PLEC: variants seen among roughly 807,000 people sequenced by gnomAD.
PLEC encodes hemidesmosomal protein 1.
In PLEC, 216 loss-of-function variants were observed where a neutral mutation model predicts 392.8. The observed-to-expected ratio is 0.55, with a 90% CI of 0.49 to 0.62. The LOEUF is 0.62. PLEC is among the 20% of genes least tolerant of loss of function. The pLI is 0.00. For synonymous variants in PLEC, 3,621 were observed against 2,980.6 expected, an observed-to-expected ratio of 1.21 and a Z score of -7.00; for missense variants, 6,863 against 6,563.4, an observed-to-expected ratio of 1.05 and a Z score of -1.58.
chr8:143,930,167 C>T lies in PLEC; in HGVS notation c.2589G>A (p.Gln863=), dbSNP rs781863862. 6.3e-7 allele frequency: 1 copy of T among 1,582,178 alleles called. No homozygotes were observed. Among genetic ancestry groups the T allele is most frequent in the Non-Finnish European group, 8.5e-7 (1 of 1,170,158 alleles). ...SVCFLVPPPN[Q]EAQEAVTRLE... is the part of the protein sequence containing the mutation. ...ACCTGGTGACGGCCTCCTGGGCCTC[C>T]TGGTTGGGCGGGGGCACCAGGAAGC... The change falls in exon 21 of 32, where the codon CAG becomes CAA. Residue 863 remains glutamine, a synonymous_variant. Transcript: ENST00000345136.
chr8:143,942,673 C>T (rs1554729804), upstream of PLEC: 1 of 1,010,852 alleles, frequency 9.9e-7, no homozygotes, highest in Non-Finnish European at 1.4e-6. Context: ...GAGCGAGGCC[C>T]AGACCCAAAG....
At chr8:143,945,428 C>G in intron 1 of PLEC, 1 of 302,846 alleles carries the variant, frequency 3.3e-6, no homozygotes, top group South Asian at 2.6e-5. Context: ...ATATCCTATG[C>G]AGATCAGATC....
intron 29 of PLEC, 23 bp from the exon 30 acceptor site, chr8:143,926,905 G>A: frequency 6.2e-7 from 1 of 1,608,906 alleles, no homozygotes; most frequent in East Asian, 2.2e-5. Context: ...GCCAGGGTTA[G>A]CCCTGCGAGA....
rs1169853504 is a variant in PLEC, at chr8:143,930,293, A to G, written c.2463T>C (p.Thr821=). Reference sequence around the variant, plus strand: ...GCTGGCACTCGTCACCCTTGTGCACAGTCACCTGGGACGGGCAGAGTCGGT... The same window carrying G: ...GCTGGCACTCGTCACCCTTGTGCACGGTCACCTGGGACGGGCAGAGTCGGT... The part of the protein sequence containing the change: ...AVCDYKQVEV[T]VHKGDECQLV... The change falls in exon 21 of 32, where the codon ACT becomes ACC. Residue 821 remains threonine (T), a synonymous_variant. Coordinates refer to ENST00000345136, the MANE Select transcript of PLEC (RefSeq NM_201384.3). The G allele has an allele frequency of 3.7e-6, 6 of 1,602,588 alleles. No individual in the cohort carries two copies. Among genetic ancestry groups the G allele is most frequent in the Non-Finnish European group, 5.1e-6 (6 of 1,178,536 alleles).
In PLEC at chr8:143,926,026, G is replaced by C. The variant is rs782218124; in HGVS notation, c.4045-142C>G. 4.6e-5 allele frequency: 45 copies of C among 978,294 alleles called. No individual in the cohort carries two copies. The African/African-American group carries it at 6.7e-4, about 15-fold the overall frequency. The allele number at this position is 978,294 out of a possible 1,614,324, so 60.6% of individuals were successfully genotyped here. ...ACAGAGGCCCCAGCCCGGCGGAGGA[G>C]ACAGCGTGCACCCGCCCAGGGCGCT... is the stretch of plus-strand genomic sequence containing the variant. On this transcript the variant is annotated intron_variant, in intron 30 of 31. Transcript: ENST00000345136.
rs782756562 is a variant in PLEC, at chr8:143,918,871, C to T, written c.10950G>A (p.Glu3650=). The T allele has an allele frequency of 9.9e-6, 16 of 1,612,778 alleles. No individual in the cohort carries two copies. In the East Asian group the frequency reaches 3.6e-4, roughly 36 times the overall value. The part of the protein sequence containing the change: ...YDYVRRRLTA[E]DLFEARIISL... ...AGATGATCCGAGCCTCGAACAGGTC[C>T]TCAGCCGTGAGGCGGCGGCGCACGT... Residue 3650 remains glutamate, a synonymous_variant, in exon 32 of 32, where the codon GAG becomes GAA. Coordinates refer to ENST00000345136, the MANE Select transcript of PLEC (RefSeq NM_201384.3).
rs113418704 is a variant in PLEC, at chr8:143,969,035, C to T, written c.70+4368G>A. ...CTACCCAGCAGAAATAAAAAACATA[C>T]GACCACACAAAAACGTGTATGCAAA... On this transcript the variant is annotated intron_variant, in intron 1 of 31. Transcript: ENST00000356346. This position sits in a 1 kb window ranked among gnomAD's most constrained non-coding sequence, Gnocchi z 5.1. Among the ~76,000 whole-genome samples the T allele has an allele frequency of 2.6e-5, 4 of 152,212 alleles. No homozygotes were observed. The highest frequency in any genetic ancestry group is 4.8e-5 in the African/African-American group (2 of 41,446).
At position 143,935,238 on chromosome 8, in the gene PLEC, C is replaced by T. The variant is rs782369854; in HGVS notation, c.678G>A (p.Ala226=). The T allele has an allele frequency of 1.7e-5, 28 of 1,612,334 alleles. No individual in the cohort carries two copies. Among genetic ancestry groups the T allele is most frequent in the East Asian group, 4.5e-5 (2 of 44,886 alleles). Residue 226 remains alanine (A), a synonymous_variant, in exon 7 of 32, where the codon GCG becomes GCA. Transcript: ENST00000345136. The part of the protein sequence containing the change: ...LENLDQAFSV[A]ERDLGVTRLL... ...GCCGCGTCACTCCCAGGTCCCGCTC[C>T]GCCACAGAGAAGGCCTGGTCCAGGT...
chr8:143,926,645 CA>C, intron 30 of PLEC, 138 bp downstream of exon 30: 1 of 785,774 alleles, frequency 1.3e-6, no homozygotes, highest in South Asian at 1.4e-5. Flanking sequence ...GAGCTGGGGG[CA>C]GGGGGTGCTG....
rs1833299212 is a variant in PLEC at position 143,969,429 on chromosome 8, G to A, written c.70+3974C>T. 1.3e-5 allele frequency among the ~76,000 whole-genome samples: 2 copies of A among 152,348 alleles called. No homozygotes were observed. The highest frequency in any genetic ancestry group is 3.9e-4 in the East Asian group (2 of 5,190). ...GCCTCCGTGCTGAGGGCTGTGGGCT[G>A]GTGACTTAGACAGTCGGCCCAGCTG... On this transcript the variant is annotated intron_variant, in intron 1 of 31. Transcript: ENST00000356346. This position sits in a 1 kb window ranked among gnomAD's most constrained non-coding sequence, Gnocchi z 5.1.
Position 143,919,698 on chromosome 8 carries a change from T to C in PLEC, c.10123A>G (p.Met3375Val), listed in dbSNP as rs782590937. The change falls in exon 32 of 32, where the codon ATG becomes GTG. Residue 3375 changes from methionine to valine, a missense_variant. Met to Val is a conservative substitution (Grantham distance 21). Coordinates refer to ENST00000345136, the MANE Select transcript of PLEC (RefSeq NM_201384.3). Reference sequence around the variant, plus strand: ...GTGGCTCTCAGCAGGCCCCGGCGCATGGCCTCGTAGATGGACACCTTCTCC... The same window carrying C: ...GTGGCTCTCAGCAGGCCCCGGCGCACGGCCTCGTAGATGGACACCTTCTCC... ...TKEKVSIYEA[M>V]RRGLLRATTA... 2.5e-6 allele frequency: 4 copies of C among 1,603,712 alleles called. No individual in the cohort carries two copies. Among genetic ancestry groups the C allele is most frequent in the Non-Finnish European group, 3.4e-6 (4 of 1,175,756 alleles).
At chr8:143,964,973 G>A (rs1833017068) in intron 1 of PLEC, among the ~76,000 whole-genome samples, 1 of 150,662 alleles carries the variant, frequency 6.6e-6, no homozygotes, top group Admixed American at 6.6e-5. Context: ...GCCCTGACCA[G>A]CCCCACTCCC....
chr8:143,930,565 G>A, intron 19 of PLEC, 29 bp from the exon 20 acceptor site: 3 of 1,564,684 alleles, frequency 1.9e-6, no homozygotes, highest in Non-Finnish European at 2.6e-6. Flanking sequence ...ATCCAGACGA[G>A]GGCCATGGAG....
exon 1 of PLEC, chr8:143,950,523 G>A (rs781989292): frequency 6.8e-6 from 11 of 1,607,304 alleles, no homozygotes; most frequent in South Asian, 1.1e-5. Context: ...AAGGTCTCGC[G>A]GACCAGGCCC....
intron 6 of PLEC, 77 bp from the exon 7 acceptor site, chr8:143,935,390 G>T: frequency 1.0e-6 from 1 of 955,644 alleles, no homozygotes; most frequent in Non-Finnish European, 1.6e-6. Context: ...GCACAGGCCG[G>T]CTCCTCACAC....
At chr8:143,962,698 C>T (rs782357973) in intron 1 of PLEC, among the ~76,000 whole-genome samples, 3 of 152,188 alleles carry the variant, frequency 2.0e-5, no homozygotes, top group African/African-American at 4.8e-5. Context: ...CACATTGAAG[C>T]GAAACTTCGC....
rs782693539 is a variant in PLEC at position 143,916,606 on chromosome 8, G to A, written c.13215C>T (p.Arg4405=). The A allele has an allele frequency of 3.4e-5, 55 of 1,609,844 alleles. 2 individuals carry two copies. Among genetic ancestry groups the A allele is most frequent in the South Asian group, 1.8e-4 (16 of 90,972 alleles). The change falls in exon 32 of 32, where the codon CGC becomes CGT. Residue 4405 remains arginine, a synonymous_variant. Coordinates refer to ENST00000345136, the MANE Select transcript of PLEC (RefSeq NM_201384.3). ...GCTGCAGGGCCTCGTCCAGGGGCACGCGGCCCGGCGTGTCGGGCTCGATCA... is the reference window on the plus strand; with the variant it reads ...GCTGCAGGGCCTCGTCCAGGGGCACACGGCCCGGCGTGTCGGGCTCGATCA... ...GGLIEPDTPG[R]VPLDEALQRG... is the part of the protein sequence containing the mutation.
chr8:143,944,817 G>A, intron 1 of PLEC: 1 of 730,500 alleles, frequency 1.4e-6, no homozygotes, highest in Non-Finnish European at 2.0e-6. Flanking sequence ...GTGGGGGAGG[G>A]GAGCAGTGGG....
At chr8:143,940,767 CCCTCACAA>C (rs2132394376), upstream of PLEC, among the ~76,000 whole-genome samples, 2 of 152,292 alleles carry the variant, frequency 1.3e-5, no homozygotes, top group South Asian at 4.1e-4. Flanking sequence ...GGCACCAGAA[CCCTCACAA>C]TGGGGGGTGC....
Sources: gnomAD v4.1 joint callset for allele counts (sites outside exome capture counted in the v4.1 genomes callset) on GRCh38, gnomAD v4.1.1 for gene constraint, Gnocchi (gnomAD v3.1) non-coding constraint, MANE v1.5 for transcripts, NCBI Gene and HGNC (gene_info 2026-07-23, HGNC 2026-07-21) for gene names.